INVS: variants seen among roughly 807,000 people sequenced by gnomAD.
The protein encoded by INVS is inversion of embryo turning homolog.
INVS carries 86 observed loss-of-function variants against 108.8 expected under a neutral mutation model. The observed-to-expected ratio is 0.79, with a 90% CI of 0.66 to 0.95. The LOEUF (loss-of-function observed/expected upper bound fraction) is 0.95. Ranked by LOEUF, INVS falls within the 40% of genes least tolerant of loss-of-function variation. The probability of loss-of-function intolerance (pLI) is 0.00; values close to 1 mark genes in which losing one functional copy is unlikely to be tolerated. For missense variants in INVS, 1,169 were observed against 1,297.4 expected (o/e 0.90, Z 1.52); for synonymous variants, 455 against 473.5 (o/e 0.96, Z 0.51).
chr9:100,228,826 T>C (rs1034403695), intron 4 of INVS, among the ~76,000 whole-genome samples: 3 of 152,202 alleles, frequency 2.0e-5, no homozygotes, highest in African/African-American at 7.2e-5. Flanking sequence ...GATGACTGCA[T>C]GCAATTAAAT....
At chr9:100,153,454 G>A (rs1032835343) in intron 3 of INVS, among the ~76,000 whole-genome samples, 14 of 152,154 alleles carry the variant, frequency 9.2e-5, no homozygotes, top group African/African-American at 2.6e-4. Context: ...AATATTGTTC[G>A]TCATAAAAGA....
intron 3 of INVS, among the ~76,000 whole-genome samples, chr9:100,164,325 G>C (rs372751435): frequency 2.0e-5 from 3 of 152,060 alleles, no homozygotes; most frequent in African/African-American, 7.2e-5. Context: ...TCTAGTCACC[G>C]TGTTGTAGCC....
chr9:100,223,405 A>C (rs917843467), intron 3 of INVS, among the ~76,000 whole-genome samples: 1 of 152,144 alleles, frequency 6.6e-6, no homozygotes, highest in African/African-American at 2.4e-5. Flanking sequence ...GCTTGTAAAT[A>C]AGAATTTTTA....
At chr9:100,264,184 A>T (rs940287342) in intron 10 of INVS, among the ~76,000 whole-genome samples, 1 of 152,142 alleles carries the variant, frequency 6.6e-6, no homozygotes, top group Non-Finnish European at 1.5e-5. Context: ...CATTTATTTT[A>T]TAGAATTTGA....
At chr9:100,213,205 G>GA (rs1470104538) in intron 3 of INVS, among the ~76,000 whole-genome samples, 1 of 142,174 alleles carries the variant, frequency 7.0e-6, no homozygotes, top group Non-Finnish European at 1.5e-5. Flanking sequence ...TGAATTGGGG[G>GA]GGTTTGGGGG....
At chr9:100,147,065 G>T (rs1178056004) in intron 3 of INVS, among the ~76,000 whole-genome samples, 1 of 152,202 alleles carries the variant, frequency 6.6e-6, no homozygotes, top group Non-Finnish European at 1.5e-5. Context: ...GTGTTGAATT[G>T]TTATCATTCT....
At chr9:100,259,528 T>C (rs1305778437) in intron 10 of INVS, among the ~76,000 whole-genome samples, 1 of 151,326 alleles carries the variant, frequency 6.6e-6, no homozygotes, top group Non-Finnish European at 1.5e-5. Flanking sequence ...ACTGGAGCTG[T>C]TCCTGTTTGG....
Position 100,229,777 on chromosome 9 carries a change from G to A in INVS, c.565G>A (p.Ala189Thr). The A allele has an allele frequency of 1.9e-6, 3 of 1,614,098 alleles. No individual in the cohort carries two copies. Among genetic ancestry groups the A allele is most frequent in the Non-Finnish European group, 2.5e-6 (3 of 1,180,000 alleles). Residue 189 changes from alanine (A) to threonine (T), a missense_variant, in exon 5 of 17, where the codon GCA (alanine) becomes ACA (threonine). By Grantham distance (58) the Ala-to-Thr change is moderately conservative. Coordinates refer to ENST00000262457, the MANE Select transcript of INVS (RefSeq NM_014425.5). Reference sequence around the variant, plus strand: ...TGAAGGCAAGATCCCACTTCACTGGGCAGCCAACCATAAAGATCCAAGTGC... The same window carrying A: ...TGAAGGCAAGATCCCACTTCACTGGACAGCCAACCATAAAGATCCAAGTGC... Reference protein sequence around the residue: ...DVEGKIPLHWAANHKDPSAVH... With the variant: ...DVEGKIPLHWTANHKDPSAVH...
chr9:100,187,826 A>G lies in INVS; in HGVS notation c.274-38236A>G, dbSNP rs564758225. ...TGAGCCACTGCATCCAGCCTCATCT[A>G]TGATTTCTTTCAGCAGTGTTTTATA... is the stretch of plus-strand genomic sequence containing the variant. On this transcript the variant is annotated intron_variant, in intron 3 of 16. Coordinates refer to ENST00000262457, the MANE Select transcript of INVS (RefSeq NM_014425.5). Among the ~76,000 whole-genome samples, 149 of 152,260 alleles carry G rather than the reference A, an allele frequency of 9.8e-4. 2 individuals are homozygous for G. The highest frequency in any genetic ancestry group is 3.4e-3 in the African/African-American group (143 of 41,552).
intron 3 of INVS, among the ~76,000 whole-genome samples, chr9:100,214,355 C>A (rs1028663283): frequency 6.6e-6 from 1 of 152,130 alleles, no homozygotes; most frequent in African/African-American, 2.4e-5. Flanking sequence ...CAAAAAGCAA[C>A]CCCCAAGCTC....
At chr9:100,162,080 G>A (rs187566953) in intron 3 of INVS, among the ~76,000 whole-genome samples, 13 of 152,248 alleles carry the variant, frequency 8.5e-5, no homozygotes, top group Admixed American at 2.0e-4. Flanking sequence ...AAAAGGAGCC[G>A]GAAATAATAG....
At chr9:100,168,903 G>A (rs546562046) in intron 3 of INVS, among the ~76,000 whole-genome samples, 4 of 152,272 alleles carry the variant, frequency 2.6e-5, no homozygotes, top group Non-Finnish European at 5.9e-5. Context: ...AATCCAGGTT[G>A]GTTCTTTTGT....
At chr9:100,110,634 A>G (rs1827313462) in intron 2 of INVS, among the ~76,000 whole-genome samples, 2 of 152,172 alleles carry the variant, frequency 1.3e-5, no homozygotes, top group South Asian at 4.1e-4. Flanking sequence ...GAACAAAAAT[A>G]TATGTATATT....
In INVS at chr9:100,288,153, T is replaced by C. The variant is rs971290381; in HGVS notation, c.2068+3550T>C. Among the ~76,000 whole-genome samples, 16 of 152,294 alleles carry C rather than the reference T, an allele frequency of 1.1e-4. 1 individual carries two copies. Among genetic ancestry groups the C allele is most frequent in the Admixed American group, 7.8e-4 (12 of 15,302 alleles). Reference sequence around the variant, plus strand: ...CTACTCTGAGGTAAATATTCCTTGATTAGGGTCTCATATTACTCCTGGTGG... The same window carrying C: ...CTACTCTGAGGTAAATATTCCTTGACTAGGGTCTCATATTACTCCTGGTGG... On this transcript the variant is annotated intron_variant, in intron 13 of 16. Transcript: ENST00000262457.
chr9:100,161,226 A>T (rs1232204556), intron 3 of INVS, among the ~76,000 whole-genome samples: 4 of 149,276 alleles, frequency 2.7e-5, no homozygotes, highest in Non-Finnish European at 6.0e-5. Context: ...AAATACAAAA[A>T]TTAGCTGGGT....
At chr9:100,225,631 C>G (rs1323161457) in intron 3 of INVS, among the ~76,000 whole-genome samples, 1 of 152,064 alleles carries the variant, frequency 6.6e-6, no homozygotes, top group East Asian at 1.9e-4. Context: ...GGAAAATACA[C>G]CAAACACTGT....
At chr9:100,161,480 C>T (rs1829186256) in intron 3 of INVS, among the ~76,000 whole-genome samples, 1 of 149,074 alleles carries the variant, frequency 6.7e-6, no homozygotes, top group Non-Finnish European at 1.5e-5. Flanking sequence ...CCTTATAATT[C>T]GTTCCTTAGG....
At chr9:100,134,039 GC>G in intron 3 of INVS, among the ~76,000 whole-genome samples, 1 of 152,070 alleles carries the variant, frequency 6.6e-6, no homozygotes, top group Non-Finnish European at 1.5e-5. Context: ...TACACCCATC[GC>G]CCGAGCAGTA....
chr9:100,151,247 G>A (rs920286918), intron 3 of INVS, among the ~76,000 whole-genome samples: 3 of 152,096 alleles, frequency 2.0e-5, no homozygotes, highest in Non-Finnish European at 2.9e-5. Context: ...AGACCAAGGC[G>A]GGAGGGTCAC....
Sources: gnomAD v4.1 joint callset for allele counts (sites outside exome capture counted in the v4.1 genomes callset) on GRCh38, gnomAD v4.1.1 for gene constraint, MANE v1.5 for transcripts, NCBI Gene and HGNC (gene_info 2026-07-23, HGNC 2026-07-21) for gene names.